GATAD1: variants seen among roughly 807,000 people sequenced by gnomAD.
GATAD1 encodes GATA zinc finger domain containing 1, also known as GATA zinc finger domain-containing protein 1.
Under a neutral mutation model 26.5 loss-of-function variants are expected in GATAD1, and 12 were observed. The observed-to-expected ratio is 0.45, with a 90% confidence interval of 0.29 to 0.73. The LOEUF is 0.73. GATAD1 is among the 30% of genes least tolerant of loss of function. GATAD1 has a pLI of 0.10. For synonymous variants in GATAD1, 129 were observed against 133.1 expected (o/e 0.97, Z 0.21); for missense variants, 266 against 342.1 (o/e 0.78, Z 1.75).
At chr7:92,462,455 T>C (rs1300785608), downstream of GATAD1, among the ~76,000 whole-genome samples, 1 of 152,076 alleles carries the variant, frequency 6.6e-6, no homozygotes, top group African/African-American at 2.4e-5. Context: ...ACAAGCATAG[T>C]TGGAATTACA....
chr7:92,467,458 A>C, the GATAD1 span, among the ~76,000 whole-genome samples: 2 of 152,272 alleles, frequency 1.3e-5, no homozygotes, highest in Non-Finnish European at 1.5e-5. Flanking sequence ...TATTAAATTC[A>C]TATTTATCTT....
the GATAD1 span, chr7:92,487,509 T>C: frequency 6.3e-7 from 1 of 1,592,802 alleles, no homozygotes; most frequent in Middle Eastern, 1.7e-4. Flanking sequence ...ACTTTGATTT[T>C]TTCTCCTCTT....
At chr7:92,480,032 G>A in the GATAD1 span, among the ~76,000 whole-genome samples, 4 of 152,132 alleles carry the variant, frequency 2.6e-5, no homozygotes, top group Non-Finnish European at 5.9e-5. Flanking sequence ...TAAGTTGGAG[G>A]CTGAGTTTGG....
At chr7:92,469,026 T>C in the GATAD1 span, 1 of 722,508 alleles carries the variant, frequency 1.4e-6, no homozygotes, top group South Asian at 1.4e-5. Flanking sequence ...CTAGAGGTCC[T>C]AAGAAGGGGA....
At chr7:92,485,717 A>C in the GATAD1 span, among the ~76,000 whole-genome samples, 1 of 152,248 alleles carries the variant, frequency 6.6e-6, no homozygotes, top group Admixed American at 6.5e-5. Context: ...CCTTACAAAC[A>C]GTGGAGACAG....
the GATAD1 span, chr7:92,470,001 T>G: frequency 1.3e-6 from 1 of 778,138 alleles, no homozygotes; most frequent in Non-Finnish European, 2.4e-6. Flanking sequence ...CTTTTACATG[T>G]TTTTCTCTTG....
intron 4 of GATAD1, among the ~76,000 whole-genome samples, chr7:92,456,090 G>A (rs1345016900): frequency 6.6e-6 from 1 of 152,206 alleles, no homozygotes. Context: ...GAAGGTTGAT[G>A]TGAGGAATGA....
chr7:92,450,015 A>C (rs1238629380), intron 2 of GATAD1: 1 of 152,192 alleles, frequency 6.6e-6, no homozygotes, highest in Non-Finnish European at 1.5e-5. Flanking sequence ...TATTTGTATC[A>C]CATATGCACA....
chr7:92,473,300 A>G, the GATAD1 span: 1 of 152,040 alleles, frequency 6.6e-6, no homozygotes, highest in Admixed American at 6.6e-5. Context: ...GTACTCCTAA[A>G]ATTGGAGTAC....
At chr7:92,486,838 G>C in the GATAD1 span, among the ~76,000 whole-genome samples, 2 of 152,180 alleles carry the variant, frequency 1.3e-5, no homozygotes, top group Non-Finnish European at 2.9e-5. Flanking sequence ...ATATATGAGA[G>C]AATATCAAGA....
At chr7:92,489,431 A>T in the GATAD1 span, 1 of 1,609,652 alleles carries the variant, frequency 6.2e-7, no homozygotes, top group East Asian at 2.2e-5. Context: ...CTCCTTAAGT[A>T]AAAAAAGAAA....
At chr7:92,493,646 A>T in the GATAD1 span, 1 of 153,942 alleles carries the variant, frequency 6.5e-6, no homozygotes. Flanking sequence ...CTGAAAAACA[A>T]AAACCCAAAA....
At chr7:92,492,882 G>A in the GATAD1 span, 3 of 1,196,112 alleles carry the variant, frequency 2.5e-6, 1 homozygote, top group South Asian at 3.7e-5. Context: ...CATTTTTTAA[G>A]GTGGAAATTT....
chr7:92,489,191 T>G, the GATAD1 span: 14 of 1,085,260 alleles, frequency 1.3e-5, no homozygotes, highest in Non-Finnish European at 1.8e-5. Context: ...CTTTTAAATA[T>G]TCAAAATATT....
At chr7:92,468,762 G>A in the GATAD1 span, 19 of 721,774 alleles carry the variant, frequency 2.6e-5, no homozygotes, top group Non-Finnish European at 4.0e-5. Flanking sequence ...GCCGACGACC[G>A]CTCTAACTGC....
At chr7:92,483,245 A>G in the GATAD1 span, among the ~76,000 whole-genome samples, 6,249 of 152,272 alleles carry the variant, frequency 0.041, 158 homozygotes, top group African/African-American at 0.055. Context: ...GATTTCCGGC[A>G]CTTGAAGCAA....
At chr7:92,460,781 A>C (rs939549401), downstream of GATAD1, among the ~76,000 whole-genome samples, 7 of 138,308 alleles carry the variant, frequency 5.1e-5, no homozygotes, top group Middle Eastern at 3.6e-3. Flanking sequence ...TCTCTCAAAA[A>C]AAAAAAAAAA....
the GATAD1 span, among the ~76,000 whole-genome samples, chr7:92,483,504 G>A: frequency 6.6e-6 from 1 of 152,244 alleles, no homozygotes; most frequent in South Asian, 2.1e-4. Flanking sequence ...GTTGGGAGCG[G>A]ATTGGGTAAT....
At chr7:92,476,003 G>A in the GATAD1 span, among the ~76,000 whole-genome samples, 14 of 152,124 alleles carry the variant, frequency 9.2e-5, no homozygotes, top group Non-Finnish European at 4.4e-5. Flanking sequence ...AAGAGTCCCC[G>A]TATCAATTAC....
Sources: allele counts gnomAD v4.1 joint callset (sites outside exome capture counted in the v4.1 genomes callset), GRCh38; gene constraint gnomAD v4.1.1; transcripts MANE v1.5; gene names NCBI Gene and HGNC (gene_info 2026-07-23, HGNC 2026-07-21).